The following PKHD1 variants were observed in gnomAD, a reference collection of about 807,000 sequenced individuals.
The protein encoded by PKHD1 is fibrocystin.
In PKHD1, 291 loss-of-function variants were observed where a neutral mutation model predicts 412.0. The observed-to-expected ratio is 0.71, with a 90% confidence interval of 0.64 to 0.78. The LOEUF is 0.78. PKHD1 is among the 30% of genes least tolerant of loss of function. PKHD1 has a pLI of 0.00. For missense variants in PKHD1, 4,825 were observed against 4,950.7 expected, an observed-to-expected ratio of 0.97 and a Z score of 0.76; for synonymous variants, 1,777 against 1,821.5, an observed-to-expected ratio of 0.98 and a Z score of 0.62.
intron 54 of PKHD1, among the ~76,000 whole-genome samples, chr6:51,774,637 A>G (rs1445570167): frequency 6.6e-6 from 1 of 152,012 alleles, no homozygotes; most frequent in African/African-American, 2.4e-5. Flanking sequence ...ATAGTTATAT[A>G]TTATGGAACT....
Position 52,022,852 on chromosome 6 carries a change from G to GT in PKHD1, c.5328_5329insA (p.Leu1777ThrfsTer3). On this transcript the variant is annotated frameshift_variant, in exon 33 of 67. Coordinates refer to ENST00000371117, the MANE Select transcript of PKHD1 (RefSeq NM_138694.4). LOFTEE classifies it high-confidence loss of function. ...AAGGCAGACACTGTAGCATTAGCCA[G>GT]GACTCGGCAGGGAGCACCACACACA... The GT allele has an allele frequency of 6.2e-7, 1 of 1,614,140 alleles. No individual in the cohort carries two copies. Among genetic ancestry groups the GT allele is most frequent in the Non-Finnish European group, 8.5e-7 (1 of 1,180,032 alleles).
At chr6:51,807,402 C>T (rs1026843959) in intron 52 of PKHD1, among the ~76,000 whole-genome samples, 6 of 143,416 alleles carry the variant, frequency 4.2e-5, no homozygotes, top group Non-Finnish European at 9.0e-5. Context: ...CATGCCACTA[C>T]ACTCCAGCCT....
chr6:51,900,926 A>C (rs1781158964), intron 43 of PKHD1, among the ~76,000 whole-genome samples: 1 of 152,262 alleles, frequency 6.6e-6, no homozygotes, highest in Non-Finnish European at 1.5e-5. Context: ...AATGCTCATC[A>C]TCACTGGCCA....
chr6:51,831,553 TGTTA>T (rs1283736897), intron 51 of PKHD1, among the ~76,000 whole-genome samples: 1 of 152,182 alleles, frequency 6.6e-6, no homozygotes, highest in African/African-American at 2.4e-5. Context: ...TTCTATTCTC[TGTTA>T]AATTGTAAAT....
rs766124480 is a variant in PKHD1, at chr6:52,017,565, G to C, written c.5445C>G (p.Thr1815=). The C allele has an allele frequency of 6.2e-7, 1 of 1,614,000 alleles. No individual in the cohort carries two copies. Among genetic ancestry groups the C allele is most frequent in the Non-Finnish European group, 8.5e-7 (1 of 1,179,906 alleles). ...CAACTGTCAAATCACACTGCACATA[G>C]GTGTGTCTGGCAGCCTCACAGCTGT... ...EEDSCEAARH[T]YVQCDLTVAM... The change falls in exon 34 of 67, where the codon ACC becomes ACG. Residue 1815 remains threonine, a synonymous_variant. Coordinates refer to ENST00000371117, the MANE Select transcript of PKHD1 (RefSeq NM_138694.4).
intron 46 of PKHD1, among the ~76,000 whole-genome samples, chr6:51,873,262 G>C (rs1218313696): frequency 1.3e-5 from 2 of 152,090 alleles, no homozygotes; most frequent in African/African-American, 4.8e-5. Context: ...AAAACAACCA[G>C]GTACAATAAG....
intron 50 of PKHD1, among the ~76,000 whole-genome samples, chr6:51,841,307 C>T (rs759255511): frequency 7.2e-5 from 11 of 152,194 alleles, no homozygotes; most frequent in Non-Finnish European, 1.6e-4. Context: ...CTCAGCATTG[C>T]GGAGCATTAA....
At chr6:51,750,783 G>A (rs773570145) in intron 57 of PKHD1, among the ~76,000 whole-genome samples, 2 of 151,150 alleles carry the variant, frequency 1.3e-5, no homozygotes, top group African/African-American at 2.5e-5. Context: ...AAAGAATTAA[G>A]CAATTTTTTT....
intron 37 of PKHD1, among the ~76,000 whole-genome samples, chr6:51,920,242 A>G (rs991760816): frequency 2.6e-5 from 4 of 152,238 alleles, no homozygotes; most frequent in Non-Finnish European, 5.9e-5. Flanking sequence ...CTGCCCATTC[A>G]GTATGATATT....
At chr6:51,758,775 G>T (rs1438324894) in intron 55 of PKHD1, among the ~76,000 whole-genome samples, 1 of 151,872 alleles carries the variant, frequency 6.6e-6, no homozygotes, top group Non-Finnish European at 1.5e-5. Context: ...CATAACTTTT[G>T]ACCTAGTTCA....
At chr6:51,722,080 C>T in intron 60 of PKHD1, 1 of 1,612,780 alleles carries the variant, frequency 6.2e-7, no homozygotes, top group South Asian at 1.1e-5. Flanking sequence ...TATGTCTCCA[C>T]CCTTCTTTTC....
rs148483528 is a variant in PKHD1, at chr6:51,661,258, T to C, written c.10157-1289A>G. The stretch of plus-strand genomic sequence containing the variant: ...TATAGATACAGATATAGATTAGATA[T>C]AGATATAGATATATAGATATAGATA... On this transcript the variant is annotated intron_variant, in intron 60 of 66. Transcript: ENST00000371117. Among the ~76,000 whole-genome samples, 569 of 152,038 alleles carry C rather than the reference T, an allele frequency of 3.7e-3. 3 individuals carry two copies. The highest frequency in any genetic ancestry group is 0.013 in the African/African-American group (550 of 41,482).
At chr6:51,721,104 T>C (rs1443999329) in intron 60 of PKHD1, 2 of 983,702 alleles carry the variant, frequency 2.0e-6, no homozygotes, top group East Asian at 1.1e-4. Flanking sequence ...ATTTCCTCCA[T>C]CAGTGCACAA....
intron 36 of PKHD1, among the ~76,000 whole-genome samples, chr6:51,941,825 G>A (rs1259947208): frequency 5.3e-5 from 8 of 151,416 alleles, no homozygotes; most frequent in Admixed American, 5.3e-4. Flanking sequence ...CACTTGGACT[G>A]ACCCTGACAC....
intron 60 of PKHD1, among the ~76,000 whole-genome samples, chr6:51,695,733 T>A (rs952763199): frequency 6.6e-6 from 1 of 152,234 alleles, no homozygotes; most frequent in Non-Finnish European, 1.5e-5. Context: ...CATGGATATA[T>A]GTGAATATCT....
At chr6:51,751,070 C>T (rs1461375561) in intron 57 of PKHD1, among the ~76,000 whole-genome samples, 1 of 152,196 alleles carries the variant, frequency 6.6e-6, no homozygotes, top group South Asian at 2.1e-4. Context: ...AGCCACAGTG[C>T]CCAGCCTGAA....
At chr6:51,907,032 G>A (rs1782210710) in intron 40 of PKHD1, among the ~76,000 whole-genome samples, 1 of 152,086 alleles carries the variant, frequency 6.6e-6, no homozygotes, top group Non-Finnish European at 1.5e-5. Context: ...TCAACTATAT[G>A]TTTCAGGAAT....
chr6:51,800,015 C>T (rs1414953474), intron 52 of PKHD1, among the ~76,000 whole-genome samples: 2 of 152,118 alleles, frequency 1.3e-5, no homozygotes, highest in African/African-American at 2.4e-5. Context: ...ATGGAGGGAA[C>T]CATCTGGAAT....
chr6:51,721,086 C>A, intron 60 of PKHD1: 1 of 984,380 alleles, frequency 1.0e-6, no homozygotes, highest in Non-Finnish European at 1.2e-6. Context: ...CACACTGTAT[C>A]TGTAACTATT....
Sources: gnomAD v4.1 joint callset for allele counts (sites outside exome capture counted in the v4.1 genomes callset) on GRCh38, gnomAD v4.1.1 for gene constraint, MANE v1.5 for transcripts, NCBI Gene and HGNC (gene_info 2026-07-23, HGNC 2026-07-21) for gene names.